FNDC3B: variants seen among roughly 807,000 people sequenced by gnomAD.
FNDC3B encodes the protein fibronectin type III domain-containing protein 3B.
A neutral mutation model predicts 151.5 loss-of-function variants in FNDC3B; 12 were observed. The observed-to-expected ratio is 0.08, with a 90% confidence interval of 0.05 to 0.13. FNDC3B has a LOEUF of 0.13. Ranked by LOEUF, FNDC3B falls within the 10% of genes least tolerant of loss-of-function variation. The pLI, the probability that FNDC3B is intolerant of heterozygous loss-of-function variation, is 1.00. For synonymous variants in FNDC3B, 528 were observed against 549.0 expected, an observed-to-expected ratio of 0.96 and a Z score of 0.54; for missense variants, 1,214 against 1,505.3, an observed-to-expected ratio of 0.81 and a Z score of 3.20.
At chr3:172,127,094 T>G (rs1418929601) in intron 2 of FNDC3B, 1 of 456,512 alleles carries the variant, frequency 2.2e-6, no homozygotes, top group Non-Finnish European at 4.4e-6. Flanking sequence ...ATCGAGAGCA[T>G]GAAACATGGC....
intron 3 of FNDC3B, among the ~76,000 whole-genome samples, chr3:172,194,092 C>T (rs6445043): frequency 0.91 from 138,177 of 152,052 alleles, 63,092 homozygotes; most frequent in African/African-American, 0.95. Flanking sequence ...AGGTGGCGGG[C>T]GCCTGTAGTC....
At chr3:172,376,903 G>T (rs1372081800) in intron 23 of FNDC3B, among the ~76,000 whole-genome samples, 1 of 151,482 alleles carries the variant, frequency 6.6e-6, no homozygotes, top group Non-Finnish European at 1.5e-5. Context: ...AAATGTTTTA[G>T]ATCTGTATCT....
chr3:172,248,000 G>A (rs11719016), intron 5 of FNDC3B, among the ~76,000 whole-genome samples: 39,941 of 151,776 alleles, frequency 0.26, 5,775 homozygotes, highest in African/African-American at 0.37. Context: ...TCACAAACTC[G>A]GCCCCAACCC....
chr3:172,092,549 C>G (rs960414257), intron 1 of FNDC3B, among the ~76,000 whole-genome samples: 3 of 152,104 alleles, frequency 2.0e-5, no homozygotes, highest in South Asian at 2.1e-4. Flanking sequence ...GGGAGAAAGT[C>G]TAGTCATTAC....
intron 3 of FNDC3B, among the ~76,000 whole-genome samples, chr3:172,159,841 A>G (rs1426084503): frequency 6.6e-6 from 1 of 152,244 alleles, no homozygotes; most frequent in Non-Finnish European, 1.5e-5. Context: ...CATCTGCTGT[A>G]CTGAAGCCTT....
intron 14 of FNDC3B, among the ~76,000 whole-genome samples, chr3:172,333,596 G>C (rs569110271): frequency 6.8e-6 from 1 of 147,968 alleles, no homozygotes; most frequent in South Asian, 2.1e-4. Context: ...CACCTGCCTC[G>C]GCCTCCCAAA....
rs527543233 is a variant in FNDC3B, at chr3:172,400,490, A to C, written c.*3015A>C. The C allele has an allele frequency of 1.3e-5, 2 of 152,766 alleles. No individual in the cohort carries two copies. Among genetic ancestry groups the C allele is most frequent in the South Asian group, 4.1e-4 (2 of 4,828 alleles). 9.5% of individuals were successfully genotyped at this position (152,766 alleles called of 1,614,324 possible). On this transcript the variant is annotated 3_prime_UTR_variant, in exon 26 of 26. Transcript: ENST00000415807. ...TGTTTTACCTCACTGTTGGACATACATTCCAAGCTTTTCAACTCTAGGAGA... is the reference window on the plus strand; with the variant it reads ...TGTTTTACCTCACTGTTGGACATACCTTCCAAGCTTTTCAACTCTAGGAGA...
At chr3:172,144,909 G>C (rs1204803039) in intron 3 of FNDC3B, among the ~76,000 whole-genome samples, 1 of 152,012 alleles carries the variant, frequency 6.6e-6, no homozygotes, top group Non-Finnish European at 1.5e-5. Context: ...ATTGCCCACA[G>C]AATGGGGGTT....
intron 1 of FNDC3B, among the ~76,000 whole-genome samples, chr3:172,109,412 C>T (rs922765177): frequency 1.3e-5 from 2 of 150,746 alleles, no homozygotes; most frequent in South Asian, 2.1e-4. Flanking sequence ...GTGATCCGCC[C>T]GCCTCGGCCT....
chr3:172,369,245 C>T (rs1239856736), intron 23 of FNDC3B, among the ~76,000 whole-genome samples: 1 of 151,960 alleles, frequency 6.6e-6, no homozygotes, highest in African/African-American at 2.4e-5. Context: ...GCATTTTTTT[C>T]AGGTTGAAAC....
At chr3:172,376,213 A>G (rs1298372062) in intron 23 of FNDC3B, among the ~76,000 whole-genome samples, 1 of 152,244 alleles carries the variant, frequency 6.6e-6, no homozygotes. Context: ...ATGTATTTTT[A>G]AATTGATATG....
intron 3 of FNDC3B, among the ~76,000 whole-genome samples, chr3:172,181,449 G>A (rs1176088829): frequency 6.7e-6 from 1 of 149,262 alleles, no homozygotes; most frequent in African/African-American, 2.5e-5. Flanking sequence ...ACTGTCTTGT[G>A]GTCAAGTAGA....
intron 23 of FNDC3B, among the ~76,000 whole-genome samples, chr3:172,369,630 G>A (rs1031687234): frequency 6.6e-6 from 1 of 152,128 alleles, no homozygotes; most frequent in South Asian, 2.1e-4. Context: ...TCCATATACA[G>A]CCAGGGACAG....
At position 172,119,992 on chromosome 3, in the gene FNDC3B, T is replaced by C. The variant is rs182878300; in HGVS notation, c.111+7402T>C. ...GACTTTTCAGATCTCTCTGAGTTAG[T>C]TTTGCCAATTTTGCTCACTACAAAA... On this transcript the variant is annotated intron_variant, in intron 2 of 25. Transcript: ENST00000415807. Among the ~76,000 whole-genome samples the C allele has an allele frequency of 3.3e-5, 5 of 152,314 alleles. No individual in the cohort carries two copies. In the East Asian group the frequency reaches 9.6e-4, roughly 29 times the overall value.
chr3:172,214,361 A>G (rs1317875695), intron 3 of FNDC3B, among the ~76,000 whole-genome samples: 1 of 152,244 alleles, frequency 6.6e-6, no homozygotes, highest in Non-Finnish European at 1.5e-5. Context: ...ACAGCCCATT[A>G]TTAGGTCCCA....
chr3:172,287,514 A>G (rs1730089258), intron 7 of FNDC3B, among the ~76,000 whole-genome samples: 1 of 152,260 alleles, frequency 6.6e-6, no homozygotes, highest in Non-Finnish European at 1.5e-5. Context: ...GTGTGAGGGC[A>G]GAATTATGGA....
At chr3:172,255,656 C>T (rs9839463) in intron 6 of FNDC3B, among the ~76,000 whole-genome samples, 9,922 of 152,290 alleles carry the variant, frequency 0.065, 442 homozygotes, top group African/African-American at 0.12. Context: ...CTGGCCTCAG[C>T]CTCCCAAAGT....
chr3:172,097,597 A>C (rs1274395447), intron 1 of FNDC3B, among the ~76,000 whole-genome samples: 1 of 152,242 alleles, frequency 6.6e-6, no homozygotes, highest in East Asian at 1.9e-4. Flanking sequence ...AGTTCAAAAG[A>C]AAAATACAAC....
intron 3 of FNDC3B, among the ~76,000 whole-genome samples, chr3:172,194,144 C>CG (rs1252371118): frequency 1.3e-5 from 2 of 151,824 alleles, no homozygotes; most frequent in South Asian, 2.1e-4. Context: ...GGCGTGAACC[C>CG]GGGGGGCGGA....
Sources: gnomAD v4.1 joint callset for allele counts (sites outside exome capture counted in the v4.1 genomes callset) on GRCh38, gnomAD v4.1.1 for gene constraint, MANE v1.5 for transcripts, NCBI Gene and HGNC (gene_info 2026-07-23, HGNC 2026-07-21) for gene names.